HSDL1: variants seen among roughly 807,000 people sequenced by gnomAD.
The protein encoded by HSDL1 is inactive hydroxysteroid dehydrogenase-like protein 1.
In HSDL1, 29 loss-of-function variants were observed where a neutral mutation model predicts 31.5. The observed-to-expected ratio is 0.92, with a 90% CI of 0.69 to 1.26. HSDL1 has a LOEUF of 1.26. Among genes scored for constraint, HSDL1 ranks in the 50% most tolerant of loss-of-function variants. The pLI, the probability that HSDL1 is intolerant of heterozygous loss-of-function variation, is 0.00. For missense variants in HSDL1, 503 were observed against 416.6 expected (o/e 1.21, Z -1.81); for synonymous variants, 222 against 155.2 (o/e 1.43, Z -3.20).
chr16:84,136,560 G>A (rs1415717545), intron 1 of HSDL1, among the ~76,000 whole-genome samples: 4 of 152,198 alleles, frequency 2.6e-5, no homozygotes, highest in Non-Finnish European at 5.9e-5. Context: ...ATCCTTTACA[G>A]AAAGAAAAGC....
At chr16:84,131,390 C>G (rs970940549) in intron 2 of HSDL1, 63 bp from the exon 3 acceptor site, 7 of 1,152,682 alleles carry the variant, frequency 6.1e-6, no homozygotes, top group Middle Eastern at 2.8e-4. Context: ...CATACACAGT[C>G]TGAGTGAAGA....
intron 1 of HSDL1, chr16:84,139,329 CAAAG>C (rs1340220117): frequency 6.6e-6 from 1 of 151,980 alleles, no homozygotes; most frequent in Non-Finnish European, 1.5e-5. Context: ...GCAGGAAGAT[CAAAG>C]AGAGAGAGCC....
intron 1 of HSDL1, among the ~76,000 whole-genome samples, chr16:84,139,057 G>A (rs1597379623): frequency 6.6e-6 from 1 of 152,190 alleles, no homozygotes; most frequent in South Asian, 2.1e-4. Context: ...ACGTGGGGCG[G>A]GTGGTGAAAG....
intron 2 of HSDL1, among the ~76,000 whole-genome samples, chr16:84,132,450 C>A (rs1454498806): frequency 6.6e-6 from 1 of 152,182 alleles, no homozygotes; most frequent in Non-Finnish European, 1.5e-5. Context: ...AGAGGGAGCA[C>A]TCCTCCATCT....
rs1218944126 is a variant in HSDL1, at chr16:84,130,024, T to C, written c.628A>G (p.Lys210Glu). Reference protein sequence around the residue: ...IVTISSGSCCKPTPQLAAFSA... With the variant: ...IVTISSGSCCEPTPQLAAFSA... ...AATGCAGCCAGCTGAGGAGTGGGTT[T>C]GCAGCAGGAGCCAGAAGAGATCGTG... Residue 210 changes from lysine to glutamate, a missense_variant, in exon 4 of 6, where the codon AAA becomes GAA. Transcript: ENST00000219439. 6.2e-7 allele frequency: 1 copy of C among 1,613,964 alleles called. No homozygotes were observed. Among genetic ancestry groups the C allele is most frequent in the Non-Finnish European group, 8.5e-7 (1 of 1,179,998 alleles).
rs1058444 is a variant in HSDL1 at position 84,122,675 on chromosome 16, C to G, written c.*1955G>C. 0.24 allele frequency: 36,669 copies of G among 152,086 alleles called. 4,700 individuals carry two copies. The highest frequency in any genetic ancestry group is 0.29 in the Non-Finnish European group (19,798 of 67,986). The allele number at this position is 152,086 out of a possible 1,614,324, so 9.4% of individuals were successfully genotyped here. A position where few individuals can be genotyped will look rare whatever the true frequency, so the allele number is the denominator to read the frequency against. ...CCCCTATTTCCCACATTCTTAATGA[C>G]ACCCCATCCACAGTGGTCCAATCAA... On this transcript the variant is annotated 3_prime_UTR_variant, in exon 6 of 6. Transcript: ENST00000219439.
At chr16:84,133,688 C>T (rs1164578781) in intron 2 of HSDL1, among the ~76,000 whole-genome samples, 1 of 152,180 alleles carries the variant, frequency 6.6e-6, no homozygotes, top group Non-Finnish European at 1.5e-5. Flanking sequence ...GAGATCATGC[C>T]ACTGCGCTCC....
Position 84,130,278 on chromosome 16 carries a change from T to A in HSDL1, c.374A>T (p.Asp125Val). 1 of 1,614,242 alleles carries A rather than the reference T, an allele frequency of 6.2e-7. No homozygotes were observed. Among genetic ancestry groups the A allele is most frequent in the Non-Finnish European group, 8.5e-7 (1 of 1,180,044 alleles). ...YKVETDIIVA[D>V]FSSGREIYLP... Reference sequence around the variant, plus strand: ...GTAGATCTCACGACCGCTGCTGAAGTCCGCAACTATAATATCAGTTTCCAC... The same window carrying A: ...GTAGATCTCACGACCGCTGCTGAAGACCGCAACTATAATATCAGTTTCCAC... Residue 125 changes from aspartate (D) to valine (V), a missense_variant, in exon 4 of 6, where the codon GAC (aspartate) becomes GTC (valine). Coordinates refer to ENST00000219439, the MANE Select transcript of HSDL1 (RefSeq NM_031463.5).
rs1473574057 is a variant in HSDL1, at chr16:84,129,921, C to A, written c.666+65G>T. ...CTGACAAAGAGTTCAACAAATCAGA[C>A]CAAACAACTGTTAATAAATGTTCTG... On this transcript the variant is annotated intron_variant, in intron 4 of 5. Coordinates refer to ENST00000219439, the MANE Select transcript of HSDL1 (RefSeq NM_031463.5). 3.3e-6 allele frequency: 5 copies of A among 1,531,798 alleles called. No homozygotes were observed. In the African/African-American group the frequency reaches 6.9e-5, roughly 21 times the overall value. The allele number at this position is 1,531,798 out of a possible 1,614,324, so 94.9% of individuals were successfully genotyped here. A position where few individuals can be genotyped will look rare whatever the true frequency, so the allele number is the denominator to read the frequency against.
chr16:84,139,048 C>T (rs965589869), intron 1 of HSDL1, among the ~76,000 whole-genome samples: 4 of 152,048 alleles, frequency 2.6e-5, no homozygotes, highest in African/African-American at 7.2e-5. Flanking sequence ...ATGCGTGTGA[C>T]GTGGGGCGGG....
chr16:84,141,913 C>G (rs1032869977), intron 1 of HSDL1, among the ~76,000 whole-genome samples: 14 of 152,028 alleles, frequency 9.2e-5, no homozygotes, highest in African/African-American at 3.4e-4. Context: ...ATTATAGTGT[C>G]TTTCATGAAC....
intron 1 of HSDL1, among the ~76,000 whole-genome samples, chr16:84,138,222 C>T (rs2086731045): frequency 6.6e-6 from 1 of 152,216 alleles, no homozygotes; most frequent in Non-Finnish European, 1.5e-5. Context: ...TACTAAAACA[C>T]AGTAAAATTC....
rs2086560418 is a variant in HSDL1 at position 84,122,143 on chromosome 16, T to C, written c.*2487A>G. ...ACTAGGCACATAGTTATAAACAATT[T>C]TGTTACTGACGTGTCAGCTTTTAAT... On this transcript the variant is annotated 3_prime_UTR_variant, in exon 6 of 6. Coordinates refer to ENST00000219439, the MANE Select transcript of HSDL1 (RefSeq NM_031463.5). 6.6e-6 allele frequency: 1 copy of C among 152,558 alleles called. No individual in the cohort carries two copies. The highest frequency in any genetic ancestry group is 2.4e-5 in the African/African-American group (1 of 41,438). The allele number at this position is 152,558 out of a possible 1,614,324, so 9.5% of individuals were successfully genotyped here. A position where few individuals can be genotyped will look rare whatever the true frequency, so the allele number is the denominator to read the frequency against.
chr16:84,128,669 A>C (rs1273673432), intron 5 of HSDL1, among the ~76,000 whole-genome samples: 1 of 151,472 alleles, frequency 6.6e-6, no homozygotes, highest in Admixed American at 6.6e-5. Flanking sequence ...GTAAATACTT[A>C]GTATTTTTAT....
chr16:84,129,802 CTT>C (rs1402068884), intron 4 of HSDL1, 27 bp from the exon 5 acceptor site: 3 of 1,561,164 alleles, frequency 1.9e-6, no homozygotes, highest in African/African-American at 2.7e-5. Context: ...GAGGAAAAGA[CTT>C]TTAATTCTGG....
chr16:84,125,279 C>G (rs2086595117), intron 5 of HSDL1: 1 of 155,980 alleles, frequency 6.4e-6, no homozygotes, highest in African/African-American at 2.4e-5. Flanking sequence ...AAATACCCAC[C>G]AGTCACAACA....
At chr16:84,126,476 A>G (rs1023480199) in intron 5 of HSDL1, among the ~76,000 whole-genome samples, 1 of 152,162 alleles carries the variant, frequency 6.6e-6, no homozygotes, top group Non-Finnish European at 1.5e-5. Context: ...TACAATACAC[A>G]GGACGCTCCC....
At chr16:84,127,052 C>G (rs1305542293) in intron 5 of HSDL1, among the ~76,000 whole-genome samples, 1 of 152,108 alleles carries the variant, frequency 6.6e-6, no homozygotes, top group Non-Finnish European at 1.5e-5. Flanking sequence ...TTTATAAACA[C>G]AGTCAAAACA....
chr16:84,141,876 A>C (rs895836715), intron 1 of HSDL1, among the ~76,000 whole-genome samples: 11 of 152,094 alleles, frequency 7.2e-5, no homozygotes, highest in African/African-American at 2.7e-4. Flanking sequence ...TATTCTAGAT[A>C]CTAGCTCTCT....
Sources: gnomAD v4.1 joint callset for allele counts (sites outside exome capture counted in the v4.1 genomes callset) on GRCh38, gnomAD v4.1.1 for gene constraint, MANE v1.5 for transcripts, NCBI Gene and HGNC (gene_info 2026-07-23, HGNC 2026-07-21) for gene names.